TRERF1: variants seen among roughly 807,000 people sequenced by gnomAD.
The protein encoded by TRERF1 is transcriptional regulating factor 1.
In TRERF1, 27 loss-of-function variants were observed where a neutral mutation model predicts 122.9. The observed-to-expected ratio is 0.22, with a 90% CI of 0.16 to 0.30. TRERF1 has a LOEUF of 0.30. Among genes scored for constraint, TRERF1 ranks in the 10% least tolerant of loss-of-function variants. The probability of loss-of-function intolerance (pLI) is 1.00; values close to 1 mark genes in which losing one functional copy is unlikely to be tolerated. For missense variants in TRERF1, 1,248 were observed against 1,560.3 expected, an observed-to-expected ratio of 0.80 and a Z score of 3.37; for synonymous variants, 636 against 641.7, an observed-to-expected ratio of 0.99 and a Z score of 0.13.
intron 3 of TRERF1, among the ~76,000 whole-genome samples, chr6:42,319,803 A>G (rs1763086612): frequency 8.7e-6 from 1 of 114,542 alleles, no homozygotes; most frequent in African/African-American, 3.6e-5. Flanking sequence ...ACAGAGTGAG[A>G]CTGTGTTTCA....
intron 3 of TRERF1, among the ~76,000 whole-genome samples, chr6:42,304,325 C>T (rs1045544767): frequency 2.0e-5 from 3 of 152,228 alleles, no homozygotes; most frequent in African/African-American, 7.2e-5. Context: ...GGCCTTGTCC[C>T]ACTTCTGTGA....
intron 2 of TRERF1, among the ~76,000 whole-genome samples, chr6:42,372,274 A>C (rs887786807): frequency 6.6e-6 from 1 of 152,190 alleles, no homozygotes; most frequent in Non-Finnish European, 1.5e-5. Flanking sequence ...GCCTTAAAGA[A>C]AGTCCTCCCT....
In TRERF1 at chr6:42,270,813, C is replaced by T. The variant is rs190160488; in HGVS notation, c.-258-965G>A. 9.3e-4 allele frequency among the ~76,000 whole-genome samples: 132 copies of T among 142,046 alleles called. 1 individual carries two copies. Among genetic ancestry groups the T allele is most frequent in the Middle Eastern group, 3.9e-3 (1 of 254 alleles). The allele number at this position is 142,046 out of a possible 152,430, so 93.2% of individuals were successfully genotyped here. On this transcript the variant is annotated intron_variant, in intron 4 of 17. Transcript: ENST00000372922. ...TTTGAGATGGAGTCTCGCTCTGTTG[C>T]CCAGGCTGGAGAGCAATGATGCGAT...
chr6:42,244,033 C>T (rs183291139), intron 14 of TRERF1, among the ~76,000 whole-genome samples: 59 of 151,944 alleles, frequency 3.9e-4, no homozygotes, highest in African/African-American at 1.3e-3. Flanking sequence ...CACCCGCCAC[C>T]GCACCTGGCT....
At chr6:42,324,704 G>T (rs1763994210) in intron 3 of TRERF1, among the ~76,000 whole-genome samples, 1 of 152,172 alleles carries the variant, frequency 6.6e-6, no homozygotes, top group South Asian at 2.1e-4. Context: ...ACCATATGCA[G>T]AAGATTAAAA....
intron 16 of TRERF1, among the ~76,000 whole-genome samples, chr6:42,235,235 T>C (rs905786801): frequency 6.6e-6 from 1 of 152,152 alleles, no homozygotes; most frequent in African/African-American, 2.4e-5. Flanking sequence ...TCCTATATCA[T>C]GTATGAGCAA....
chr6:42,245,164 T>G (rs186520108), intron 14 of TRERF1, among the ~76,000 whole-genome samples: 1 of 152,304 alleles, frequency 6.6e-6, no homozygotes, highest in East Asian at 1.9e-4. Context: ...GTCGCAAGTG[T>G]GGGGCCTAAA....
intron 4 of TRERF1, among the ~76,000 whole-genome samples, chr6:42,281,227 A>G (rs945724351): frequency 2.0e-5 from 3 of 152,124 alleles, no homozygotes; most frequent in Non-Finnish European, 4.4e-5. Flanking sequence ...CTTTGCTGCT[A>G]GGGGACCCCT....
At chr6:42,233,788 G>T (rs921947105) in intron 16 of TRERF1, among the ~76,000 whole-genome samples, 3 of 152,096 alleles carry the variant, frequency 2.0e-5, no homozygotes, top group African/African-American at 4.8e-5. Context: ...TCTACCCCGA[G>T]GAAGCCCTAG....
At chr6:42,428,329 T>C (rs1783953877) in intron 2 of TRERF1, among the ~76,000 whole-genome samples, 2 of 152,264 alleles carry the variant, frequency 1.3e-5, no homozygotes, top group Non-Finnish European at 2.9e-5. Context: ...ACTTGATTAT[T>C]CAGAGGCTGA....
intron 3 of TRERF1, among the ~76,000 whole-genome samples, chr6:42,325,233 A>G (rs1023090468): frequency 6.6e-6 from 1 of 152,234 alleles, no homozygotes; most frequent in African/African-American, 2.4e-5. Flanking sequence ...CCAAATGGCT[A>G]TTATTAAAAA....
chr6:42,240,034 G>C (rs1320388915), intron 15 of TRERF1, among the ~76,000 whole-genome samples: 1 of 151,660 alleles, frequency 6.6e-6, no homozygotes, highest in Non-Finnish European at 1.5e-5. Context: ...TCCTTAATCT[G>C]AAGCTTCACG....
chr6:42,268,602 T>G lies in TRERF1; in HGVS notation c.989A>C (p.Gln330Pro), dbSNP rs1365658164. The G allele has an allele frequency of 6.2e-7, 1 of 1,614,052 alleles. No homozygotes were observed. Among genetic ancestry groups the G allele is most frequent in the Non-Finnish European group, 8.5e-7 (1 of 1,179,920 alleles). The change falls in exon 5 of 18, where the codon CAA (glutamine) becomes CCA (proline). Residue 330 changes from glutamine to proline, a missense_variant. By Grantham distance (76) the Gln-to-Pro change is moderately conservative (BLOSUM62 -1). This residue lies in a region of TRERF1 where 946 missense variants were observed against 1,073.0 expected (regional missense o/e 0.88). Coordinates refer to ENST00000372922, the Ensembl canonical transcript of TRERF1. The surrounding 1 kb of genome is among the most constrained non-coding windows in gnomAD (Gnocchi z 4.4). ...CTCTTGCAAGTGCTGCATCATGGGT[T>G]GGGGCTGATAATACTGAGGTATCTG...
At chr6:42,361,752 C>T (rs543796855) in intron 3 of TRERF1, among the ~76,000 whole-genome samples, 7 of 152,214 alleles carry the variant, frequency 4.6e-5, no homozygotes, top group Non-Finnish European at 1.0e-4. Flanking sequence ...TGTTCCCATT[C>T]GCTCCGCAGA....
At chr6:42,299,239 T>TATCTATCA (rs1284049707) in intron 4 of TRERF1, among the ~76,000 whole-genome samples, 9 of 151,078 alleles carry the variant, frequency 6.0e-5, no homozygotes, top group South Asian at 2.1e-4. Context: ...TCTATCTATC[T>TATCTATCA]ATCATCTATC....
chr6:42,268,130 G>A lies in TRERF1; in HGVS notation c.1437+24C>T, dbSNP rs988355492. ...GACCCTGTAGCACACTGGGTATTGAGAGAAACTTCCAATGGGAGAATACCT... is the reference window on the plus strand; with the variant it reads ...GACCCTGTAGCACACTGGGTATTGAAAGAAACTTCCAATGGGAGAATACCT... On this transcript the variant is annotated intron_variant, in intron 5 of 17. Coordinates refer to ENST00000372922, the Ensembl canonical transcript of TRERF1. The surrounding 1 kb of genome is among the most constrained non-coding windows in gnomAD (Gnocchi z 4.4). The A allele has an allele frequency of 1.4e-6, 2 of 1,439,842 alleles. No individual in the cohort carries two copies. The highest frequency in any genetic ancestry group is 1.8e-6 in the Non-Finnish European group (2 of 1,094,800). 89.2% of individuals were successfully genotyped at this position (1,439,842 alleles called of 1,614,324 possible).
At chr6:42,240,837 G>T (rs560954555) in intron 15 of TRERF1, among the ~76,000 whole-genome samples, 1 of 152,276 alleles carries the variant, frequency 6.6e-6, no homozygotes, top group African/African-American at 2.4e-5. Context: ...TGTTTACATT[G>T]TGGGAGTTCA....
chr6:42,444,594 T>C (rs1787135414), intron 2 of TRERF1, among the ~76,000 whole-genome samples: 1 of 152,092 alleles, frequency 6.6e-6, no homozygotes, highest in Non-Finnish European at 1.5e-5. Context: ...TTCTTCCCTG[T>C]CATGATGGAG....
At chr6:42,273,835 T>C (rs1166055808) in intron 4 of TRERF1, among the ~76,000 whole-genome samples, 2 of 152,230 alleles carry the variant, frequency 1.3e-5, no homozygotes, top group Non-Finnish European at 2.9e-5. Context: ...GAAGAATTAC[T>C]TGTTGAAACT....
Sources: allele counts gnomAD v4.1 joint callset (sites outside exome capture counted in the v4.1 genomes callset), GRCh38; gene constraint gnomAD v4.1.1; regional missense constraint gnomAD v4.1.1; non-coding constraint Gnocchi (gnomAD v3.1); transcripts MANE v1.5; gene names NCBI Gene and HGNC (gene_info 2026-07-23, HGNC 2026-07-21).